The following ZFX variants were observed in gnomAD, a reference collection of about 807,000 sequenced individuals.
ZFX encodes the protein zinc finger X-chromosomal protein.
For missense variants in ZFX, 362 were observed against 628.3 expected (o/e 0.58, Z 4.53); for synonymous variants, 196 against 226.8 (o/e 0.86, Z 1.22).
At chrX:24,175,725 C>T (rs1194223282) in intron 4 of ZFX, among the ~76,000 whole-genome samples, 9 of 111,144 alleles carry the variant, frequency 8.1e-5, no homozygotes, top group Non-Finnish European at 1.7e-4. Flanking sequence ...ATTACTGGTG[C>T]AGACCACCAT....
Position 24,214,059 on chromosome X carries a change from A to G in ZFX, c.*2683A>G, listed in dbSNP as rs2148093089. 1 of 112,190 alleles carries G rather than the reference A, an allele frequency of 8.9e-6. No individual in the cohort carries two copies. Among genetic ancestry groups the G allele is most frequent in the Non-Finnish European group, 1.9e-5 (1 of 53,109 alleles). The allele number at this position is 112,190 out of a possible 1,213,427, so 9.2% of individuals were successfully genotyped here. A position where few individuals can be genotyped will look rare whatever the true frequency, so the allele number is the denominator to read the frequency against. On this transcript the variant is annotated 3_prime_UTR_variant, in exon 10 of 10. Transcript: ENST00000304543. Reference sequence around the variant, plus strand: ...AAGGGTTTGGTCAAGTGAATATGATAAAACATACTTGTCTGTATAAAGAGA... The same window carrying G: ...AAGGGTTTGGTCAAGTGAATATGATGAAACATACTTGTCTGTATAAAGAGA...
At chrX:24,180,171 G>A (rs1213206202) in intron 5 of ZFX, among the ~76,000 whole-genome samples, 2 of 109,775 alleles carry the variant, frequency 1.8e-5, no homozygotes, top group Non-Finnish European at 3.8e-5. Context: ...GCCGGAGGTT[G>A]CAGTTAGCCA....
chrX:24,186,795 G>C lies in ZFX; in HGVS notation c.646+7025G>C, dbSNP rs1936152280. ...TGCCTTCTTCAGTCTTTGCAATCTA[G>C]ATTTTATGATTGGCTTCTAAGTTAA... On this transcript the variant is annotated intron_variant, in intron 5 of 9. Coordinates refer to ENST00000304543, the MANE Select transcript of ZFX (RefSeq NM_003410.4). Among the ~76,000 whole-genome samples the C allele has an allele frequency of 2.7e-5, 3 of 111,594 alleles. No individual in the cohort carries two copies. The East Asian group carries it at 8.4e-4, about 31-fold the overall frequency.
intron 5 of ZFX, among the ~76,000 whole-genome samples, chrX:24,198,574 A>G (rs748327600): frequency 9.1e-6 from 1 of 110,239 alleles, no homozygotes; most frequent in East Asian, 2.8e-4. Context: ...TTAACGAATG[A>G]ATGTTGCTTG....
upstream of ZFX, chrX:24,149,546 A>C (rs952807746): frequency 7.2e-5 from 8 of 110,836 alleles, no homozygotes; most frequent in African/African-American, 2.6e-4. Context: ...GGGTGCCAGG[A>C]GGACCCACCG....
At chrX:24,192,267 G>A (rs1339012099) in intron 5 of ZFX, among the ~76,000 whole-genome samples, 1 of 111,730 alleles carries the variant, frequency 9.0e-6, no homozygotes, top group Non-Finnish European at 1.9e-5. Flanking sequence ...AAGATCACAG[G>A]TGTGAATCTT....
In ZFX at chrX:24,215,792, A is replaced by T. The variant is rs13679; in HGVS notation, c.*4416A>T. 43,871 of 109,378 alleles carry T rather than the reference A, an allele frequency of 0.4. 6,855 individuals are homozygous for T. Among genetic ancestry groups the T allele is most frequent in the South Asian group, 0.65 (1,626 of 2,507 alleles). 9.0% of individuals were successfully genotyped at this position (109,378 alleles called of 1,213,427 possible). A position where few individuals can be genotyped will look rare whatever the true frequency, so the allele number is the denominator to read the frequency against. The stretch of plus-strand genomic sequence containing the variant: ...TCCCATGGTTACATTCTTCAAAGGT[A>T]AACTGAGTTGAGAGGAAGATTCAGC... On this transcript the variant is annotated 3_prime_UTR_variant, in exon 10 of 10. Coordinates refer to ENST00000304543, the MANE Select transcript of ZFX (RefSeq NM_003410.4).
intron 3 of ZFX, among the ~76,000 whole-genome samples, chrX:24,169,867 G>A (rs1398662643): frequency 9.0e-6 from 1 of 110,874 alleles, no homozygotes; most frequent in African/African-American, 3.3e-5. Flanking sequence ...AGGGGTGAGG[G>A]GAGGGTGAGC....
intron 3 of ZFX, among the ~76,000 whole-genome samples, chrX:24,168,987 A>G (rs1934296416): frequency 9.1e-6 from 1 of 110,425 alleles, no homozygotes; most frequent in Non-Finnish European, 1.9e-5. Flanking sequence ...ATTATCACGT[A>G]CCTTCTTCCA....
At position 24,214,801 on chromosome X, in the gene ZFX, A is replaced by G. The variant is rs1285024037; in HGVS notation, c.*3425A>G. 1 of 111,894 alleles carries G rather than the reference A, an allele frequency of 8.9e-6. No homozygotes were observed. The highest frequency in any genetic ancestry group is 1.9e-5 in the Non-Finnish European group (1 of 53,225). The allele number at this position is 111,894 out of a possible 1,213,427, so 9.2% of individuals were successfully genotyped here. A position where few individuals can be genotyped will look rare whatever the true frequency, so the allele number is the denominator to read the frequency against. ...TGGTTTTTGAGAGCACTTAAAGTTC[A>G]TTTCAGTATTAATTTACAGCATATT... On this transcript the variant is annotated 3_prime_UTR_variant, in exon 10 of 10. Transcript: ENST00000304543.
intron 3 of ZFX, among the ~76,000 whole-genome samples, chrX:24,157,884 G>A (rs186413779): frequency 3.3e-4 from 37 of 111,267 alleles, no homozygotes; most frequent in Admixed American, 2.9e-3. Flanking sequence ...TCAGCGTCCC[G>A]AGTAGCTGGG....
chrX:24,188,177 C>CAA lies in ZFX; in HGVS notation c.646+8420_646+8421dup, dbSNP rs765149805. The stretch of plus-strand genomic sequence containing the variant: ...CGCTGGTGACAGAGTGAGACTGTCT[C>CAA]AAAAAAAAAAAAAATTTTTTTTTTG... On this transcript the variant is annotated intron_variant, in intron 5 of 9. Coordinates refer to ENST00000304543, the MANE Select transcript of ZFX (RefSeq NM_003410.4). Among the ~76,000 whole-genome samples, 509 of 91,538 alleles carry CAA rather than the reference C, an allele frequency of 5.6e-3. 4 individuals are homozygous for CAA. The highest frequency in any genetic ancestry group is 0.017 in the African/African-American group (437 of 25,156). 79.5% of individuals were successfully genotyped at this position (91,538 alleles called of 115,157 possible). A position where few individuals can be genotyped will look rare whatever the true frequency, so the allele number is the denominator to read the frequency against.
In ZFX at chrX:24,179,711, T is replaced by A; in HGVS notation, c.587T>A (p.Ile196Asn). Reference protein sequence around the residue: ...ASEAVIDANGIPVDQQDDDKG... With the variant: ...ASEAVIDANGNPVDQQDDDKG... ...GAAGCAGTCATAGATGCCAATGGGA[T>A]CCCTGTGGACCAGCAGGATGATGAC... is the stretch of plus-strand genomic sequence containing the variant. Residue 196 changes from isoleucine to asparagine, a missense_variant, in exon 5 of 10, where the codon ATC becomes AAC. Transcript: ENST00000304543. 1 of 1,211,270 alleles carries A rather than the reference T, an allele frequency of 8.3e-7. No individual in the cohort carries two copies. The highest frequency in any genetic ancestry group is 1.1e-6 in the Non-Finnish European group (1 of 895,558).
In ZFX at chrX:24,206,539, G is replaced by A. The variant is rs1198301155; in HGVS notation, c.647-787G>A. On this transcript the variant is annotated intron_variant, in intron 5 of 9. Coordinates refer to ENST00000304543, the MANE Select transcript of ZFX (RefSeq NM_003410.4). ...TGTGTGTGTGTGTGTGTGTGTGTGT[G>A]TGTGTGTGTGTATTTTTTTTTTTTT... is the stretch of plus-strand genomic sequence containing the variant. Among the ~76,000 whole-genome samples the A allele has an allele frequency of 8.1e-4, 72 of 89,065 alleles. 1 individual carries two copies. The highest frequency in any genetic ancestry group is 3.3e-3 in the African/African-American group (68 of 20,666). The allele number at this position is 89,065 out of a possible 115,157, so 77.3% of individuals were successfully genotyped here. A position where few individuals can be genotyped will look rare whatever the true frequency, so the allele number is the denominator to read the frequency against.
At chrX:24,208,628 T>C (rs753266814) in intron 8 of ZFX, among the ~76,000 whole-genome samples, 168 of 112,308 alleles carry the variant, frequency 1.5e-3, no homozygotes, top group Non-Finnish European at 2.2e-3. Context: ...TTCATCTTGA[T>C]TATGTTTGGC....
chrX:24,170,153 A>G (rs1934427293), intron 3 of ZFX, among the ~76,000 whole-genome samples: 1 of 89,610 alleles, frequency 1.1e-5, no homozygotes, highest in Non-Finnish European at 2.1e-5. Context: ...CATAATGCTT[A>G]GAATTTTTTT....
At chrX:24,198,560 A>G (rs1218555750) in intron 5 of ZFX, among the ~76,000 whole-genome samples, 1 of 108,563 alleles carries the variant, frequency 9.2e-6, no homozygotes, top group African/African-American at 3.4e-5. Context: ...TAGCATTCAT[A>G]TATTTAACGA....
In ZFX at chrX:24,175,859, G is replaced by T. The variant is rs1330816291; in HGVS notation, c.58+3059G>T. Reference sequence around the variant, plus strand: ...CTCCCAAAGTGCTGGGATTACAGGCGTGAGCCACCGCGCCCGGCTGATTTA... The same window carrying T: ...CTCCCAAAGTGCTGGGATTACAGGCTTGAGCCACCGCGCCCGGCTGATTTA... On this transcript the variant is annotated intron_variant, in intron 4 of 9. Transcript: ENST00000304543. 2.7e-5 allele frequency among the ~76,000 whole-genome samples: 3 copies of T among 110,511 alleles called. No individual in the cohort carries two copies. In the Admixed American group the frequency reaches 2.9e-4, roughly 11 times the overall value.
intron 3 of ZFX, among the ~76,000 whole-genome samples, chrX:24,156,097 A>G (rs1460619873): frequency 1.8e-5 from 2 of 111,449 alleles, no homozygotes; most frequent in Admixed American, 9.6e-5. Context: ...GGGTTTCACC[A>G]TGTTGGCCAG....
Sources: allele counts gnomAD v4.1 joint callset (sites outside exome capture counted in the v4.1 genomes callset), GRCh38; gene constraint gnomAD v4.1.1; transcripts MANE v1.5; gene names NCBI Gene and HGNC (gene_info 2026-07-23, HGNC 2026-07-21).